Variants in KLF11 observed in about 807,000 individuals in gnomAD.
KLF11 encodes the protein Krueppel-like factor 11.
KLF11 carries 26 observed loss-of-function variants against 29.9 expected under a neutral mutation model. The ratio of observed to expected loss-of-function variants is 0.87; its 90% CI spans 0.64 to 1.21. KLF11 has a LOEUF of 1.21. Ranked by LOEUF, KLF11 falls within the 50% of genes most tolerant of loss-of-function variation. The pLI, the probability that KLF11 is intolerant of heterozygous loss-of-function variation, is 0.00. For missense variants in KLF11, 778 were observed against 665.7 expected, an observed-to-expected ratio of 1.17 and a Z score of -1.86; for synonymous variants, 318 against 257.4, an observed-to-expected ratio of 1.24 and a Z score of -2.25.
chr2:10,050,465 A>G (rs1661369281), intron 3 of KLF11, among the ~76,000 whole-genome samples: 1 of 150,948 alleles, frequency 6.6e-6, no homozygotes, highest in African/African-American at 2.4e-5. Flanking sequence ...TATTCCCAGC[A>G]CTTTCCGAGG....
chr2:10,050,547 T>C (rs1661371986), intron 3 of KLF11, among the ~76,000 whole-genome samples: 1 of 151,360 alleles, frequency 6.6e-6, no homozygotes, highest in South Asian at 2.1e-4. Context: ...CCGTCTCTAC[T>C]AAAAATACAA....
chr2:10,047,273 C>T (rs1661236478), intron 2 of KLF11, among the ~76,000 whole-genome samples: 1 of 152,200 alleles, frequency 6.6e-6, no homozygotes, highest in Non-Finnish European at 1.5e-5. Flanking sequence ...CTGTAGGTTG[C>T]TAACAGAAGT....
Position 10,054,078 on chromosome 2 carries a change from C to G in KLF11, c.*1571C>G, listed in dbSNP as rs1056958071. On this transcript the variant is annotated 3_prime_UTR_variant, in exon 4 of 4. Transcript: ENST00000305883. ...TGACTTGATACCTGTTAACTTGCCC[C>G]TTAGTATCAGCTGTTACTTGACACA... The G allele has an allele frequency of 6.6e-6, 1 of 152,196 alleles. No individual in the cohort carries two copies. Among genetic ancestry groups the G allele is most frequent in the African/African-American group, 2.4e-5 (1 of 41,430 alleles). The allele number at this position is 152,196 out of a possible 1,614,324, so 9.4% of individuals were successfully genotyped here. A position where few individuals can be genotyped will look rare whatever the true frequency, so the allele number is the denominator to read the frequency against.
At position 10,053,049 on chromosome 2, in the gene KLF11, A is replaced by G. The variant is rs1661455138; in HGVS notation, c.*542A>G. 1 of 393,042 alleles carries G rather than the reference A, an allele frequency of 2.5e-6. No homozygotes were observed. The highest frequency in any genetic ancestry group is 3.6e-5 in the East Asian group (1 of 27,636). The allele number at this position is 393,042 out of a possible 1,614,324, so 24.3% of individuals were successfully genotyped here. On this transcript the variant is annotated 3_prime_UTR_variant, in exon 4 of 4. Coordinates refer to ENST00000305883, the MANE Select transcript of KLF11 (RefSeq NM_003597.5). Reference sequence around the variant, plus strand: ...AACCACAAGTTATCTGGCCTTTTAGATCTTTTTGGAATCGGACCTGGTTGA... The same window carrying G: ...AACCACAAGTTATCTGGCCTTTTAGGTCTTTTTGGAATCGGACCTGGTTGA...
chr2:10,052,166 C>T, intron 3 of KLF11, 61 bp from the exon 4 acceptor site: 15 of 1,484,626 alleles, frequency 1.0e-5, no homozygotes, highest in Middle Eastern at 3.4e-4. Context: ...CATGAATTAA[C>T]CCCTTGAATA....
At chr2:10,049,230 T>C (rs533233987) in intron 3 of KLF11, among the ~76,000 whole-genome samples, 1 of 152,358 alleles carries the variant, frequency 6.6e-6, no homozygotes, top group African/African-American at 2.4e-5. Context: ...ACACTTGAAG[T>C]GTGTGGCTAG....
intron 1 of KLF11, 179 bp downstream of exon 1, chr2:10,043,937 G>A: frequency 1.0e-6 from 1 of 1,003,782 alleles, no homozygotes; most frequent in Non-Finnish European, 1.2e-6. Flanking sequence ...GGCCGCGACG[G>A]GCGCGCCCGG....
chr2:10,052,967 A>G lies in KLF11; in HGVS notation c.*460A>G, dbSNP rs1661452506. 2.8e-6 allele frequency: 1 copy of G among 353,456 alleles called. No homozygotes were observed. The highest frequency in any genetic ancestry group is 5.0e-6 in the Non-Finnish European group (1 of 198,974). 21.9% of individuals were successfully genotyped at this position (353,456 alleles called of 1,614,324 possible). A position where few individuals can be genotyped will look rare whatever the true frequency, so the allele number is the denominator to read the frequency against. ...AGCCTTCTTTTCAGTGTTTAATAACAAAGTTTTTCCTAATGGCCCTTCTTT... is the reference window on the plus strand; with the variant it reads ...AGCCTTCTTTTCAGTGTTTAATAACGAAGTTTTTCCTAATGGCCCTTCTTT... On this transcript the variant is annotated 3_prime_UTR_variant, in exon 4 of 4. Transcript: ENST00000305883.
Position 10,043,740 on chromosome 2 carries a change from C to G in KLF11, c.24C>G (p.Gly8=), listed in dbSNP as rs1281918306. The G allele has an allele frequency of 1.4e-6, 2 of 1,383,024 alleles. No homozygotes were observed. The highest frequency in any genetic ancestry group is 1.3e-5 in the South Asian group (1 of 78,750). The allele number at this position is 1,383,024 out of a possible 1,614,324, so 85.7% of individuals were successfully genotyped here. A position where few individuals can be genotyped will look rare whatever the true frequency, so the allele number is the denominator to read the frequency against. The change falls in exon 1 of 4, where the codon GGC becomes GGG. Residue 8 remains glycine, a synonymous_variant. Coordinates refer to ENST00000305883, the MANE Select transcript of KLF11 (RefSeq NM_003597.5). MHTPDFA[G]PDDARAVDIM... ...CGATGCACACGCCGGACTTCGCAGG[C>G]CCAGACGACGCGCGCGCAGTGAGTG...
chr2:10,046,492 T>G, intron 2 of KLF11, 73 bp downstream of exon 2: 1 of 1,531,380 alleles, frequency 6.5e-7, no homozygotes, highest in East Asian at 2.2e-5. Flanking sequence ...GTTGAAGAAC[T>G]TGTGAGAAGA....
intron 1 of KLF11, 34 bp downstream of exon 1, chr2:10,043,792 G>T: frequency 7.4e-7 from 1 of 1,352,890 alleles, no homozygotes; most frequent in Non-Finnish European, 9.7e-7. Context: ...GGGACTACTC[G>T]TCTGAGCGAG....
intron 2 of KLF11, among the ~76,000 whole-genome samples, chr2:10,046,723 C>T (rs1226009241): frequency 7.9e-5 from 12 of 152,148 alleles, no homozygotes; most frequent in Non-Finnish European, 1.3e-4. Flanking sequence ...GGTGTGGTGG[C>T]GGGCGCCTGT....
intron 1 of KLF11, among the ~76,000 whole-genome samples, chr2:10,044,649 CTTTTTT>C (rs56067200): frequency 5.7e-5 from 8 of 139,978 alleles, no homozygotes; most frequent in Non-Finnish European, 1.1e-4. Flanking sequence ...GTTTCCTTTC[CTTTTTT>C]TTTTTTTTGA....
intron 2 of KLF11, among the ~76,000 whole-genome samples, chr2:10,046,814 C>T (rs966131894): frequency 3.9e-5 from 6 of 152,190 alleles, no homozygotes; most frequent in African/African-American, 1.4e-4. Context: ...GAGATCGTGC[C>T]ACTGCACTCC....
rs1484712235 is a variant in KLF11 at position 10,052,395 on chromosome 2, A to G, written c.1427A>G (p.His476Arg). The change falls in exon 4 of 4, where the codon CAC (histidine) becomes CGC (arginine). Residue 476 changes from histidine (H) to arginine (R), a missense_variant. His to Arg is a conservative substitution (Grantham distance 29, BLOSUM62 0). Transcript: ENST00000305883. ...SDHLTKHARRHMTTKKIPGWQ... is the reference protein window; with the variant it reads ...SDHLTKHARRRMTTKKIPGWQ... The stretch of plus-strand genomic sequence containing the variant: ...CACCTGACGAAGCATGCCCGGCGCC[A>G]CATGACGACCAAGAAGATCCCAGGC... The G allele has an allele frequency of 6.2e-7, 1 of 1,614,170 alleles. No homozygotes were observed. Among genetic ancestry groups the G allele is most frequent in the Non-Finnish European group, 8.5e-7 (1 of 1,180,024 alleles).
At chr2:10,045,488 A>C (rs368694238) in intron 1 of KLF11, among the ~76,000 whole-genome samples, 2 of 151,702 alleles carry the variant, frequency 1.3e-5, no homozygotes, top group African/African-American at 4.8e-5. Context: ...CTGAGACTCC[A>C]TCTCAAAAAG....
chr2:10,052,878 G>A lies in KLF11; in HGVS notation c.*371G>A, dbSNP rs1361986595. 6 of 317,850 alleles carry A rather than the reference G, an allele frequency of 1.9e-5. No individual in the cohort carries two copies. The highest frequency in any genetic ancestry group is 2.9e-5 in the Non-Finnish European group (5 of 175,306). The allele number at this position is 317,850 out of a possible 1,614,324, so 19.7% of individuals were successfully genotyped here. On this transcript the variant is annotated 3_prime_UTR_variant, in exon 4 of 4. Transcript: ENST00000305883. ...AGACAGGGTACTAATTTTTATACTG[G>A]TTTTTAGAAAAATATTTATATTGTT...
rs200260496 is a variant in KLF11 at position 10,046,348 on chromosome 2, G to A, written c.241G>A (p.Val81Ile). ...PLTPVSDSGD[V>I]TTTVHMDAAT... ...CACGCCTGTCTCTGACTCTGGGGAT[G>A]TCACCACCACTGTGCATATGGATGC... Residue 81 changes from valine (V) to isoleucine (I), a missense_variant, in exon 2 of 4, where the codon GTC becomes ATC. By Grantham distance (29) the Val-to-Ile change is conservative. Transcript: ENST00000305883. The A allele has an allele frequency of 1.7e-4, 268 of 1,614,072 alleles. No homozygotes were observed. The highest frequency in any genetic ancestry group is 2.2e-4 in the Non-Finnish European group (257 of 1,180,050).
chr2:10,044,208 G>C (rs890349548), intron 1 of KLF11: 9 of 933,734 alleles, frequency 9.6e-6, no homozygotes, highest in African/African-American at 1.9e-5. Flanking sequence ...AGCGGCTAGC[G>C]GTAGTGCCGC....
Sources: gnomAD v4.1 joint callset for allele counts (sites outside exome capture counted in the v4.1 genomes callset) on GRCh38, gnomAD v4.1.1 for gene constraint, MANE v1.5 for transcripts, NCBI Gene and HGNC (gene_info 2026-07-23, HGNC 2026-07-21) for gene names.